The following TMCC3 variants were observed in gnomAD, a reference collection of about 807,000 sequenced individuals.
TMCC3 encodes the protein transmembrane and coiled-coil domain protein 3.
In TMCC3, 28 loss-of-function variants were observed where a neutral mutation model predicts 40.2. The observed-to-expected ratio is 0.70, with a 90% CI of 0.52 to 0.95. The LOEUF is 0.95. TMCC3 is among the 40% of genes least tolerant of loss of function. TMCC3 has a pLI of 0.00. For synonymous variants in TMCC3, 255 were observed against 248.5 expected (o/e 1.03, Z -0.25); for missense variants, 554 against 615.2 (o/e 0.90, Z 1.05).
Position 94,650,379 on chromosome 12 carries a change from C to T in TMCC3, c.52G>A (p.Gly18Ser). The change falls in exon 1 of 4, where the codon GGC becomes AGC. Residue 18 changes from glycine to serine, a missense_variant. By Grantham distance (56) the Gly-to-Ser change is moderately conservative. Coordinates refer to ENST00000261226, the MANE Select transcript of TMCC3 (RefSeq NM_020698.4). ...CGGCTCTTGCAGCGGTGGTGCCGGC[C>T]GGGGTACGAGTAGGTCCGGTCCACG... The part of the protein sequence containing the change: ...LTVDRTYSYP[G>S]RHHRCKSRVE... The T allele has an allele frequency of 7.4e-7, 1 of 1,344,582 alleles. No homozygotes were observed. Among genetic ancestry groups the T allele is most frequent in the Non-Finnish European group, 9.6e-7 (1 of 1,041,266 alleles). 83.3% of individuals were successfully genotyped at this position (1,344,582 alleles called of 1,614,324 possible).
intron 1 of TMCC3, among the ~76,000 whole-genome samples, chr12:94,636,137 G>A (rs547186112): frequency 6.6e-6 from 1 of 152,286 alleles, no homozygotes; most frequent in African/African-American, 2.4e-5. Context: ...CATATGAACA[G>A]CGGTATATTT....
Position 94,638,342 on chromosome 12 carries a change from T to C in TMCC3, c.78+12011A>G, listed in dbSNP as rs1446726929. Among the ~76,000 whole-genome samples, 7 of 152,218 alleles carry C rather than the reference T, an allele frequency of 4.6e-5. No homozygotes were observed. In the East Asian group the frequency reaches 9.7e-4, roughly 21 times the overall value. On this transcript the variant is annotated intron_variant, in intron 1 of 3. Coordinates refer to ENST00000261226, the MANE Select transcript of TMCC3 (RefSeq NM_020698.4). Reference sequence around the variant, plus strand: ...TTAAAAACATGAGGACAGCATGAGGTCCTCTTGCACCATGCCATCTTATGG... The same window carrying C: ...TTAAAAACATGAGGACAGCATGAGGCCCTCTTGCACCATGCCATCTTATGG...
At chr12:94,595,287 G>C (rs1281307669) in intron 1 of TMCC3, among the ~76,000 whole-genome samples, 1 of 152,178 alleles carries the variant, frequency 6.6e-6, no homozygotes, top group East Asian at 1.9e-4. Context: ...ATCTTGCCCA[G>C]AGATGAACAC....
intron 3 of TMCC3, 83 bp from the exon 4 acceptor site, chr12:94,571,820 G>C (rs962280440): frequency 1.6e-5 from 24 of 1,468,314 alleles, no homozygotes; most frequent in East Asian, 1.6e-4. Context: ...GTACACAAAA[G>C]CCCCAGCTCA....
chr12:94,577,117 G>T (rs1174449408), intron 3 of TMCC3, among the ~76,000 whole-genome samples: 1 of 152,172 alleles, frequency 6.6e-6, no homozygotes, highest in South Asian at 2.1e-4. Context: ...TGTTTTGCTA[G>T]TATTGAGCAC....
intron 1 of TMCC3, among the ~76,000 whole-genome samples, chr12:94,600,060 G>T (rs1251269140): frequency 6.6e-6 from 1 of 152,086 alleles, no homozygotes; most frequent in Non-Finnish European, 1.5e-5. Flanking sequence ...GAGAGAGAGA[G>T]GGAGAGAGAG....
chr12:94,603,979 C>T (rs776756434), intron 1 of TMCC3, among the ~76,000 whole-genome samples: 1 of 152,088 alleles, frequency 6.6e-6, no homozygotes, highest in Non-Finnish European at 1.5e-5. Context: ...AGCTCTTTAA[C>T]ATTTTTAAAG....
intron 1 of TMCC3, among the ~76,000 whole-genome samples, chr12:94,586,259 A>C (rs373754621): frequency 6.6e-6 from 1 of 152,378 alleles, no homozygotes; most frequent in African/African-American, 2.4e-5. Context: ...TAATAAGTAC[A>C]AAGTGAAATA....
intron 1 of TMCC3, among the ~76,000 whole-genome samples, chr12:94,646,058 G>T (rs2069016315): frequency 6.6e-6 from 1 of 152,194 alleles, no homozygotes; most frequent in Non-Finnish European, 1.5e-5. Flanking sequence ...AAACAGCACT[G>T]GTACAAGATC....
chr12:94,636,154 A>G (rs2068959840), intron 1 of TMCC3, among the ~76,000 whole-genome samples: 1 of 152,248 alleles, frequency 6.6e-6, no homozygotes, highest in Non-Finnish European at 1.5e-5. Context: ...ATTTTTAAAG[A>G]CAGGTAACAA....
In TMCC3 at chr12:94,601,808, CAAAAAAAAAA is replaced by C. The variant is rs61372290; in HGVS notation, c.79-19280_79-19271del. On this transcript the variant is annotated intron_variant, in intron 1 of 3. Coordinates refer to ENST00000261226, the MANE Select transcript of TMCC3 (RefSeq NM_020698.4). ...TGGGTGACAGAGTGAGACCTGGTCT[CAAAAAAAAAA>C]AAAAAAAAAAAAAAAAAAGAGAAGA... Among the ~76,000 whole-genome samples, 287 of 76,664 alleles carry C rather than the reference CAAAAAAAAAA, an allele frequency of 3.7e-3. 4 individuals carry two copies. The highest frequency in any genetic ancestry group is 6.3e-3 in the Middle Eastern group (1 of 160). The allele number at this position is 76,664 out of a possible 152,430, so 50.3% of individuals were successfully genotyped here. A position where few individuals can be genotyped will look rare whatever the true frequency, so the allele number is the denominator to read the frequency against.
chr12:94,582,538 C>A lies in TMCC3; in HGVS notation c.79G>T (p.Val27Leu). ...AAGGTATTCATGTCATGACGTTCTA[C>A]CTGAAAGAGACAGGAAAGAAGCACA... ...PGRHHRCKSR[V>L]ERHDMNTLSL... Residue 27 changes from valine (V) to leucine (L), a missense_variant and splice_region_variant, in exon 2 of 4, where the codon GTA becomes TTA. Coordinates refer to ENST00000261226, the MANE Select transcript of TMCC3 (RefSeq NM_020698.4). The A allele has an allele frequency of 6.3e-7, 1 of 1,585,304 alleles. No homozygotes were observed. Among genetic ancestry groups the A allele is most frequent in the Non-Finnish European group, 8.6e-7 (1 of 1,167,778 alleles).
intron 1 of TMCC3, among the ~76,000 whole-genome samples, chr12:94,604,904 T>C (rs769698181): frequency 5.1e-4 from 77 of 151,454 alleles, no homozygotes; most frequent in Non-Finnish European, 8.1e-4. Context: ...AGGTGATAAT[T>C]GACTTAGAGG....
At chr12:94,591,070 A>G (rs1472649916) in intron 1 of TMCC3, 1 of 516,084 alleles carries the variant, frequency 1.9e-6, no homozygotes, top group Non-Finnish European at 3.9e-6. Flanking sequence ...GAATATTCCA[A>G]TGCTCTTTGT....
intron 1 of TMCC3, among the ~76,000 whole-genome samples, chr12:94,585,626 G>T (rs1447074920): frequency 6.6e-6 from 1 of 152,280 alleles, no homozygotes; most frequent in Admixed American, 6.5e-5. Context: ...GAACCCAGGA[G>T]GTGGAGGTTG....
At chr12:94,608,919 A>G (rs1043580902) in intron 1 of TMCC3, among the ~76,000 whole-genome samples, 8 of 152,218 alleles carry the variant, frequency 5.3e-5, no homozygotes, top group African/African-American at 1.9e-4. Context: ...TATACTAGTT[A>G]TGTTTAGTGT....
intron 1 of TMCC3, among the ~76,000 whole-genome samples, chr12:94,636,011 G>A (rs12304277): frequency 7.9e-5 from 12 of 152,214 alleles, no homozygotes; most frequent in African/African-American, 2.9e-4. Flanking sequence ...AGGTTGGGAA[G>A]GGAAGAGGAA....
At chr12:94,642,882 C>T (rs1019800712) in intron 1 of TMCC3, among the ~76,000 whole-genome samples, 1 of 152,072 alleles carries the variant, frequency 6.6e-6, no homozygotes, top group Non-Finnish European at 1.5e-5. Flanking sequence ...TGGTACCATG[C>T]GGCAGGGTAC....
intron 1 of TMCC3, among the ~76,000 whole-genome samples, chr12:94,585,886 CATG>C (rs1345533644): frequency 6.6e-6 from 1 of 152,286 alleles, no homozygotes; most frequent in Non-Finnish European, 1.5e-5. Context: ...TTTGGGGAGG[CATG>C]ATGTCATAGC....
Sources: allele counts gnomAD v4.1 joint callset (sites outside exome capture counted in the v4.1 genomes callset), GRCh38; gene constraint gnomAD v4.1.1; transcripts MANE v1.5; gene names NCBI Gene and HGNC (gene_info 2026-07-23, HGNC 2026-07-21).